Variants in SEC14L1 observed in about 807,000 individuals in gnomAD.
SEC14L1 encodes the protein SEC14-like protein 1.
Under a neutral mutation model 85.3 loss-of-function variants are expected in SEC14L1, and 48 were observed. The observed-to-expected ratio is 0.56, with a 90% CI of 0.45 to 0.72. The LOEUF (loss-of-function observed/expected upper bound fraction) is 0.72, where lower values mean the gene tolerates loss of function less well. Ranked by LOEUF, SEC14L1 falls within the 30% of genes least tolerant of loss-of-function variation. The probability of loss-of-function intolerance (pLI) is 0.00; values close to 1 mark genes in which losing one functional copy is unlikely to be tolerated. For missense variants in SEC14L1, 682 were observed against 921.4 expected (o/e 0.74, Z 3.36); for synonymous variants, 391 against 355.5 (o/e 1.10, Z -1.12).
intron 3 of SEC14L1, among the ~76,000 whole-genome samples, chr17:77,134,548 C>T (rs1002443922): frequency 3.3e-5 from 5 of 152,084 alleles, no homozygotes; most frequent in Non-Finnish European, 7.4e-5. Context: ...GAAACCCCAT[C>T]TCTACTTAAA....
At chr17:77,192,143 T>C (rs552403126) in intron 5 of SEC14L1, among the ~76,000 whole-genome samples, 3 of 152,340 alleles carry the variant, frequency 2.0e-5, no homozygotes, top group Admixed American at 2.0e-4. Context: ...TACTGTAATA[T>C]GTTAGAAATA....
chr17:77,090,594 GT>G (rs1224581608), intron 2 of SEC14L1, among the ~76,000 whole-genome samples: 2 of 151,618 alleles, frequency 1.3e-5, no homozygotes, highest in African/African-American at 4.8e-5. Flanking sequence ...ATGGGTAAAA[GT>G]TTGCTGGGCA....
intron 3 of SEC14L1, among the ~76,000 whole-genome samples, chr17:77,164,037 G>A (rs941881875): frequency 6.6e-6 from 1 of 152,242 alleles, no homozygotes; most frequent in Non-Finnish European, 1.5e-5. Context: ...TTTAGAGAGT[G>A]CTTGTGTGGC....
At chr17:77,090,048 G>T (rs1387538562) in intron 2 of SEC14L1, 1 of 150,850 alleles carries the variant, frequency 6.6e-6, no homozygotes, top group Non-Finnish European at 1.5e-5. Context: ...CATAATTCAG[G>T]CCGGGCACCG....
chr17:77,213,329 A>C lies in SEC14L1; in HGVS notation c.1879A>C (p.Arg627=). The C allele has an allele frequency of 1.2e-6, 2 of 1,610,774 alleles. No homozygotes were observed. Among genetic ancestry groups the C allele is most frequent in the South Asian group, 1.1e-5 (1 of 90,590 alleles). ...GESVQGSHVT[R]WPGFYILQWK... ...CTTGTTCTAGGGTTCCCATGTGACC[A>C]GGTGGCCGGGCTTCTACATCCTGCA... The change falls in exon 16 of 17, where the codon AGG becomes CGG. Residue 627 remains arginine, a synonymous_variant. Transcript: ENST00000436233. This position sits in a 1 kb window ranked among gnomAD's most constrained non-coding sequence, Gnocchi z 7.1.
chr17:77,106,901 C>T (rs1380870367), intron 3 of SEC14L1, among the ~76,000 whole-genome samples: 9 of 152,188 alleles, frequency 5.9e-5, no homozygotes, highest in Admixed American at 5.9e-4. Flanking sequence ...TCTCCTTCTC[C>T]AGCCCCGGGC....
At chr17:77,180,061 A>G (rs200382508) in intron 3 of SEC14L1, among the ~76,000 whole-genome samples, 31 of 122,250 alleles carry the variant, frequency 2.5e-4, no homozygotes, top group Non-Finnish European at 3.5e-4. Context: ...ATGTTATGTT[A>G]TGTTATGTTA....
intron 3 of SEC14L1, among the ~76,000 whole-genome samples, chr17:77,101,264 A>G (rs1389694090): frequency 6.6e-6 from 1 of 151,864 alleles, no homozygotes; most frequent in Non-Finnish European, 1.5e-5. Flanking sequence ...GGCTCACTGC[A>G]ACCCCAGTCT....
chr17:77,202,573 C>G (rs972773630), intron 9 of SEC14L1, among the ~76,000 whole-genome samples: 1 of 151,782 alleles, frequency 6.6e-6, no homozygotes, highest in Non-Finnish European at 1.5e-5. Context: ...GAGCCGAGAT[C>G]GTGCCAGTGC....
chr17:77,111,738 C>A (rs1972053457), intron 3 of SEC14L1, among the ~76,000 whole-genome samples: 1 of 152,160 alleles, frequency 6.6e-6, no homozygotes, highest in African/African-American at 2.4e-5. Context: ...TGCCTGAACC[C>A]CCATTGTATG....
chr17:77,126,850 ACT>A (rs1972461589), intron 3 of SEC14L1, among the ~76,000 whole-genome samples: 1 of 151,586 alleles, frequency 6.6e-6, no homozygotes, highest in African/African-American at 2.4e-5. Flanking sequence ...CAGGAGGCTG[ACT>A]CTGTGGGGTG....
At chr17:77,139,740 C>T (rs537588615), upstream of SEC14L1, among the ~76,000 whole-genome samples, 6 of 152,134 alleles carry the variant, frequency 3.9e-5, no homozygotes, top group African/African-American at 1.2e-4. Context: ...CCTCGTGATC[C>T]GCCCACCTCG....
intron 3 of SEC14L1, among the ~76,000 whole-genome samples, chr17:77,117,208 A>G (rs1272238497): frequency 6.6e-6 from 1 of 152,114 alleles, no homozygotes; most frequent in Non-Finnish European, 1.5e-5. Flanking sequence ...TTAGCCGGGC[A>G]TGGTGACACA....
chr17:77,184,873 A>G (rs1975197750), intron 3 of SEC14L1, among the ~76,000 whole-genome samples: 1 of 152,210 alleles, frequency 6.6e-6, no homozygotes, highest in African/African-American at 2.4e-5. Context: ...ACTTTGTAGA[A>G]ACTCGCGTGG....
intron 3 of SEC14L1, among the ~76,000 whole-genome samples, chr17:77,177,577 T>A (rs1295006064): frequency 6.6e-6 from 1 of 152,018 alleles, no homozygotes; most frequent in African/African-American, 2.4e-5. Flanking sequence ...TAGTTGCATG[T>A]ATGTTAGTTT....
At chr17:77,094,112 C>G (rs557214931) in intron 3 of SEC14L1, 1 of 151,230 alleles carries the variant, frequency 6.6e-6, no homozygotes, top group Non-Finnish European at 1.5e-5. Flanking sequence ...GGTGTGACCT[C>G]GGCTCACTGC....
intron 3 of SEC14L1, among the ~76,000 whole-genome samples, chr17:77,158,798 CTTTTTTTTTTTTTTT>C (rs34186028): frequency 1.1e-3 from 45 of 39,244 alleles, no homozygotes; most frequent in South Asian, 1.9e-3. Flanking sequence ...GCTTTCTTTC[CTTTTTTTTTTTTTTT>C]TTTTTTTTTT....
In SEC14L1 at chr17:77,216,417, GGGTTCGTAGGTA is replaced by G; in HGVS notation, c.*2397_*2408del. 2 of 1,559,564 alleles carry G rather than the reference GGGTTCGTAGGTA, an allele frequency of 1.3e-6. No homozygotes were observed. Among genetic ancestry groups the G allele is most frequent in the South Asian group, 1.2e-5 (1 of 82,764 alleles). On this transcript the variant is annotated 3_prime_UTR_variant, in exon 17 of 17. Transcript: ENST00000436233. ...GGCTAGTAGGTAGGGTTCGTAGGTA[GGGTTCGTAGGTA>G]GGGTTCGTAGGTAGGGTTAGTAGCG...
At chr17:77,156,482 C>T (rs1306251649) in intron 3 of SEC14L1, among the ~76,000 whole-genome samples, 3 of 150,938 alleles carry the variant, frequency 2.0e-5, no homozygotes, top group African/African-American at 7.3e-5. Flanking sequence ...GGCTGAGGCA[C>T]GAGAATTGCT....
Sources: gnomAD v4.1 joint callset for allele counts (sites outside exome capture counted in the v4.1 genomes callset) on GRCh38, gnomAD v4.1.1 for gene constraint, Gnocchi (gnomAD v3.1) non-coding constraint, MANE v1.5 for transcripts, NCBI Gene and HGNC (gene_info 2026-07-23, HGNC 2026-07-21) for gene names.